ERC1: variants seen among roughly 807,000 people sequenced by gnomAD.
ERC1 encodes ELKS/RAB6-interacting/CAST family member 1.
A neutral mutation model predicts 132.0 loss-of-function variants in ERC1; 56 were observed. The observed-to-expected ratio is 0.42, with a 90% CI of 0.34 to 0.53. The LOEUF (loss-of-function observed/expected upper bound fraction) is 0.53. Ranked by LOEUF, ERC1 falls within the 20% of genes least tolerant of loss-of-function variation. The probability of loss-of-function intolerance (pLI) is 0.03; values close to 1 mark genes in which losing one functional copy is unlikely to be tolerated. For missense variants in ERC1, 1,202 were observed against 1,349.9 expected (o/e 0.89, Z 1.72); for synonymous variants, 478 against 476.1 (o/e 1.00, Z -0.05).
At position 1,277,892 on chromosome 12, in the gene ERC1, C is replaced by A. The variant is rs138735555; in HGVS notation, c.2620-11960C>A. Among the ~76,000 whole-genome samples the A allele has an allele frequency of 1.7e-3, 256 of 152,290 alleles. 5 individuals are homozygous for A. In the East Asian group the frequency reaches 0.039, roughly 23 times the overall value. ...GGTACCTAAGAGATATGACAGTTCA[C>A]GATCATCTTCTCTTTGCCGTTGTGT... On this transcript the variant is annotated intron_variant, in intron 14 of 18. Transcript: ENST00000360905.
At chr12:1,288,496 T>TA (rs2079189506) in intron 14 of ERC1, among the ~76,000 whole-genome samples, 1 of 152,182 alleles carries the variant, frequency 6.6e-6, no homozygotes, top group African/African-American at 2.4e-5. Context: ...TCTGGAAGGA[T>TA]AAAAAAATTC....
At chr12:1,171,176 G>A (rs1312366085) in intron 8 of ERC1, among the ~76,000 whole-genome samples, 1 of 152,116 alleles carries the variant, frequency 6.6e-6, no homozygotes, top group African/African-American at 2.4e-5. Flanking sequence ...TCTTTGCTGG[G>A]CTTATTGAGG....
chr12:1,119,886 A>G (rs1276673022), intron 7 of ERC1, among the ~76,000 whole-genome samples: 1 of 152,088 alleles, frequency 6.6e-6, no homozygotes, highest in East Asian at 1.9e-4. Flanking sequence ...CCATTTCCTC[A>G]TCTATAAAAT....
At chr12:1,343,185 A>C (rs1176329602) in intron 15 of ERC1, among the ~76,000 whole-genome samples, 1 of 152,218 alleles carries the variant, frequency 6.6e-6, no homozygotes, top group Admixed American at 6.5e-5. Flanking sequence ...AGGCAACATG[A>C]GGCCAGCAGA....
At chr12:1,433,047 G>A (rs1353465549) in intron 17 of ERC1, among the ~76,000 whole-genome samples, 2 of 152,210 alleles carry the variant, frequency 1.3e-5, no homozygotes, top group Non-Finnish European at 2.9e-5. Flanking sequence ...ACTAAAGGAT[G>A]GACTACTGTG....
intron 2 of ERC1, among the ~76,000 whole-genome samples, chr12:1,058,382 G>A (rs959833120): frequency 6.6e-6 from 1 of 152,154 alleles, no homozygotes; most frequent in African/African-American, 2.4e-5. Flanking sequence ...TTGGTAAAAG[G>A]TAGGGGTCTA....
intron 15 of ERC1, among the ~76,000 whole-genome samples, chr12:1,326,583 C>T (rs1203273931): frequency 2.6e-5 from 4 of 152,174 alleles, no homozygotes; most frequent in African/African-American, 9.6e-5. Flanking sequence ...AGACTAGGTA[C>T]TATAATTCTT....
chr12:1,339,474 G>A (rs569553516), intron 15 of ERC1, among the ~76,000 whole-genome samples: 1 of 146,710 alleles, frequency 6.8e-6, no homozygotes, highest in African/African-American at 2.6e-5. Flanking sequence ...AGTGGCAGAG[G>A]CAGCTCAGCT....
chr12:1,238,421 A>G (rs892855400), intron 13 of ERC1, among the ~76,000 whole-genome samples: 4 of 151,842 alleles, frequency 2.6e-5, no homozygotes, highest in African/African-American at 7.3e-5. Flanking sequence ...TTTTGCCTTT[A>G]CTTTTTAATT....
intron 2 of ERC1, among the ~76,000 whole-genome samples, chr12:1,066,800 G>T (rs1298352913): frequency 2.8e-5 from 4 of 141,734 alleles, no homozygotes; most frequent in Non-Finnish European, 6.0e-5. Context: ...TTGCGCCATT[G>T]TAGTCCAGCC....
intron 2 of ERC1, among the ~76,000 whole-genome samples, chr12:1,039,269 G>A (rs540240338): frequency 8.6e-5 from 13 of 151,286 alleles, no homozygotes; most frequent in Middle Eastern, 3.4e-3. Flanking sequence ...CCCGGGAGGC[G>A]GAGTTTGCAG....
chr12:1,453,321 A>T (rs1321153609), intron 18 of ERC1, among the ~76,000 whole-genome samples: 2 of 152,160 alleles, frequency 1.3e-5, no homozygotes, highest in Non-Finnish European at 1.5e-5. Flanking sequence ...CTTCCTGGCA[A>T]CAGTTTGCTT....
At chr12:1,422,669 G>A (rs908216715) in intron 17 of ERC1, among the ~76,000 whole-genome samples, 2 of 152,180 alleles carry the variant, frequency 1.3e-5, no homozygotes, top group South Asian at 4.1e-4. Context: ...TGGGAGTACA[G>A]TGATCTCTTT....
At position 1,243,655 on chromosome 12, in the gene ERC1, C is replaced by T. The variant is rs553479423; in HGVS notation, c.2487+6751C>T. The stretch of plus-strand genomic sequence containing the variant: ...GTTCTCAAGTAAGGCTCAGTTTTGG[C>T]GCTAAGGAATCTTTGGCACTGTCTG... On this transcript the variant is annotated intron_variant, in intron 13 of 18. Transcript: ENST00000360905. 2.6e-5 allele frequency among the ~76,000 whole-genome samples: 4 copies of T among 152,266 alleles called. No homozygotes were observed. The South Asian group carries it at 8.3e-4, about 32-fold the overall frequency.
intron 18 of ERC1, among the ~76,000 whole-genome samples, chr12:1,477,783 A>G (rs1000636638): frequency 2.6e-5 from 4 of 152,158 alleles, no homozygotes; most frequent in Non-Finnish European, 4.4e-5. Flanking sequence ...CTCATCCTCC[A>G]AGGATAACCT....
rs1379495212 is a variant in ERC1, at chr12:1,221,683, A to G, written c.2352-15086A>G. ...TTTAATTAGATAAATAACAAGTGAA[A>G]CTATTAGCATTTTATTTTTAGTTTT... On this transcript the variant is annotated intron_variant, in intron 12 of 18. Transcript: ENST00000360905. 2.0e-5 allele frequency among the ~76,000 whole-genome samples: 3 copies of G among 152,296 alleles called. No homozygotes were observed. In the East Asian group the frequency reaches 5.8e-4, roughly 29 times the overall value.
At chr12:1,211,046 A>G (rs980736950) in intron 12 of ERC1, among the ~76,000 whole-genome samples, 1 of 152,020 alleles carries the variant, frequency 6.6e-6, no homozygotes, top group Non-Finnish European at 1.5e-5. Context: ...AATGTTTGTT[A>G]TTGTAAGTTT....
chr12:1,180,534 A>C lies in ERC1; in HGVS notation c.1738-6A>C, dbSNP rs778780521. The C allele has an allele frequency of 3.1e-5, 50 of 1,613,284 alleles. No individual in the cohort carries two copies. The Admixed American group carries it at 7.5e-4, about 24-fold the overall frequency. ...TCTTTTCCCTTAAATATTTATGTAC[A>C]TTTAGATTGAAAATCTTCAAGAGCA... On this transcript the variant is annotated splice_region_variant and splice_polypyrimidine_tract_variant and intron_variant, in intron 8 of 18. Transcript: ENST00000360905.
chr12:1,004,310 TC>T (rs1217668146), intron 1 of ERC1, among the ~76,000 whole-genome samples: 3 of 151,748 alleles, frequency 2.0e-5, no homozygotes, highest in East Asian at 1.9e-4. Flanking sequence ...ATTGGATGCT[TC>T]CCCCCCTTTC....
Sources: gnomAD v4.1 joint callset for allele counts (sites outside exome capture counted in the v4.1 genomes callset) on GRCh38, gnomAD v4.1.1 for gene constraint, MANE v1.5 for transcripts, NCBI Gene and HGNC (gene_info 2026-07-23, HGNC 2026-07-21) for gene names.